The following RIMBP2 variants were observed in gnomAD, a reference collection of about 807,000 sequenced individuals.
RIMBP2 encodes the protein RIMS binding protein 2, also known as RIMS-binding protein 2.
A neutral mutation model predicts 118.6 loss-of-function variants in RIMBP2; 48 were observed. The observed-to-expected ratio is 0.40, with a 90% confidence interval of 0.32 to 0.51. The LOEUF is 0.51. Among genes scored for constraint, RIMBP2 ranks in the 20% least tolerant of loss-of-function variants. The pLI is 0.41. For missense variants in RIMBP2, 1,551 were observed against 1,768.3 expected, an observed-to-expected ratio of 0.88 and a Z score of 2.20; for synonymous variants, 762 against 742.9, an observed-to-expected ratio of 1.03 and a Z score of -0.42.
intron 2 of RIMBP2, among the ~76,000 whole-genome samples, chr12:130,535,700 T>C (rs71468437): frequency 6.9e-6 from 1 of 144,874 alleles, no homozygotes; most frequent in Non-Finnish European, 1.5e-5. Flanking sequence ...TATACATATA[T>C]ATACACATAT....
rs149263383 is a variant in RIMBP2, at chr12:130,510,109, G to A, written c.-126-3339C>T. ...CAAGAACAGACAACCTCCAACCTGCGGACAGGCTGCCGTTCCAGTGTGAAC... is the reference window on the plus strand; with the variant it reads ...CAAGAACAGACAACCTCCAACCTGCAGACAGGCTGCCGTTCCAGTGTGAAC... On this transcript the variant is annotated intron_variant, in intron 3 of 22. Transcript: ENST00000690449. 1.2e-3 allele frequency among the ~76,000 whole-genome samples: 176 copies of A among 152,306 alleles called. 1 individual carries two copies. The highest frequency in any genetic ancestry group is 3.8e-3 in the African/African-American group (159 of 41,568).
chr12:130,615,347 G>A (rs1349277023), intron 2 of RIMBP2, among the ~76,000 whole-genome samples: 5 of 145,344 alleles, frequency 3.4e-5, no homozygotes, highest in African/African-American at 1.0e-4. Context: ...GTCTCACTCT[G>A]TCGCCCAGGC....
intron 11 of RIMBP2, among the ~76,000 whole-genome samples, chr12:130,439,197 CATATATGT>C (rs2077806023): frequency 1.2e-5 from 1 of 82,356 alleles, no homozygotes; most frequent in Non-Finnish European, 3.2e-5. Context: ...GTAATGTGTG[CATATATGT>C]GTATATGTGG....
intron 2 of RIMBP2, among the ~76,000 whole-genome samples, chr12:130,528,496 G>A (rs2139277796): frequency 6.6e-6 from 1 of 152,294 alleles, no homozygotes; most frequent in Admixed American, 6.5e-5. Context: ...AATAGCTAAT[G>A]CATGCTGGGC....
At chr12:130,517,535 G>A (rs1302584455) in intron 3 of RIMBP2, among the ~76,000 whole-genome samples, 2 of 152,136 alleles carry the variant, frequency 1.3e-5, no homozygotes, top group Non-Finnish European at 1.5e-5. Flanking sequence ...ATTCACTGGG[G>A]AGAAAGTGGT....
intron 6 of RIMBP2, 183 bp downstream of exon 6, chr12:130,470,510 T>C: frequency 5.1e-6 from 2 of 395,694 alleles, no homozygotes; most frequent in Non-Finnish European, 8.9e-6. Context: ...AGAACGGACC[T>C]GGTCCTGGCA....
chr12:130,421,645 TCTC>T (rs1469897205), intron 17 of RIMBP2, among the ~76,000 whole-genome samples: 2 of 152,074 alleles, frequency 1.3e-5, no homozygotes, highest in Non-Finnish European at 1.5e-5. Context: ...CAAGACGGTT[TCTC>T]CTCATCTATT....
At chr12:130,677,204 GC>G (rs749327271) in intron 1 of RIMBP2, among the ~76,000 whole-genome samples, 5 of 152,216 alleles carry the variant, frequency 3.3e-5, no homozygotes, top group African/African-American at 7.2e-5. Flanking sequence ...GAGCATGGCA[GC>G]CCCCTACAAA....
rs1316627635 is a variant in RIMBP2, at chr12:130,649,267, G to A, written c.-351-20811C>T. ...GCTGGAATGTGGGGCTTGCTGCGAC[G>A]TACGTTTCTCTCCTCCTCAGCGGAG... is the stretch of plus-strand genomic sequence containing the variant. On this transcript the variant is annotated intron_variant, in intron 1 of 22. Coordinates refer to ENST00000690449, the MANE Select transcript of RIMBP2 (RefSeq NM_001393629.1). Among the ~76,000 whole-genome samples the A allele has an allele frequency of 1.8e-5, 2 of 110,154 alleles. 1 individual carries two copies. Among genetic ancestry groups the A allele is most frequent in the Non-Finnish European group, 4.7e-5 (2 of 42,804 alleles). The allele number at this position is 110,154 out of a possible 152,430, so 72.3% of individuals were successfully genotyped here.
rs1486500266 is a variant in RIMBP2, at chr12:130,447,286, GAGA to G, written c.582-2020_582-2018del. Among the ~76,000 whole-genome samples the G allele has an allele frequency of 2.0e-5, 3 of 152,018 alleles. No homozygotes were observed. The highest frequency in any genetic ancestry group is 2.1e-4 in the South Asian group (1 of 4,788). On this transcript the variant is annotated intron_variant, in intron 9 of 22. Transcript: ENST00000690449. The surrounding 1 kb of genome is among the most constrained non-coding windows in gnomAD (Gnocchi z 4.4). ...AAGGTCCCTGGCTGGTAAGGGCACG[GAGA>G]AGAAGTGGGAGATCCTACGGCTGTC...
At chr12:130,702,068 C>G (rs1435232763) in intron 1 of RIMBP2, among the ~76,000 whole-genome samples, 1 of 152,168 alleles carries the variant, frequency 6.6e-6, no homozygotes, top group Non-Finnish European at 1.5e-5. Flanking sequence ...ATGAGCCCAG[C>G]CCACAAGACA....
chr12:130,398,039 T>A (rs2074198044), intron 22 of RIMBP2: 1 of 152,044 alleles, frequency 6.6e-6, no homozygotes, highest in Non-Finnish European at 1.5e-5. Context: ...GCACACTGGT[T>A]GAAAGAAAAA....
At chr12:130,608,030 C>A (rs1318392979) in intron 2 of RIMBP2, among the ~76,000 whole-genome samples, 2 of 152,166 alleles carry the variant, frequency 1.3e-5, no homozygotes, top group Non-Finnish European at 2.9e-5. Flanking sequence ...AGTAAATATG[C>A]TCAAAACATT....
intron 2 of RIMBP2, among the ~76,000 whole-genome samples, chr12:130,530,581 T>C (rs570249244): frequency 9.3e-4 from 142 of 152,362 alleles, no homozygotes; most frequent in African/African-American, 3.3e-3. Flanking sequence ...ATTTATGCTC[T>C]GAGCTTGCCA....
intron 2 of RIMBP2, among the ~76,000 whole-genome samples, chr12:130,611,621 C>T (rs1158156829): frequency 1.3e-5 from 2 of 152,230 alleles, no homozygotes; most frequent in African/African-American, 4.8e-5. Context: ...GAGGCCTGCA[C>T]AGCCTCGATT....
At chr12:130,636,433 T>C (rs1221545939) in intron 1 of RIMBP2, among the ~76,000 whole-genome samples, 2 of 152,096 alleles carry the variant, frequency 1.3e-5, no homozygotes, top group Non-Finnish European at 2.9e-5. Flanking sequence ...CCCAGCTTTG[T>C]TTTTTTACCA....
chr12:130,599,974 T>C (rs898373344), intron 2 of RIMBP2, among the ~76,000 whole-genome samples: 2 of 152,108 alleles, frequency 1.3e-5, no homozygotes, highest in African/African-American at 4.8e-5. Context: ...TTGGAGAGGC[T>C]TATCAGAAAC....
At chr12:130,411,388 G>A (rs2075702759) in intron 19 of RIMBP2, among the ~76,000 whole-genome samples, 1 of 152,128 alleles carries the variant, frequency 6.6e-6, no homozygotes, top group African/African-American at 2.4e-5. Flanking sequence ...CCAGTATGAT[G>A]TGGAAAAGGA....
Position 130,409,673 on chromosome 12 carries a change from C to T in RIMBP2, c.3590-1844G>A, listed in dbSNP as rs568286106. On this transcript the variant is annotated intron_variant, in intron 19 of 22. Transcript: ENST00000690449. ...TGTAGCTTTTGAGACAGGCTTCTTT[C>T]ATCTGGATGACGCCTCTGAGATTCA... Among the ~76,000 whole-genome samples, 62 of 152,196 alleles carry T rather than the reference C, an allele frequency of 4.1e-4. 2 individuals are homozygous for T. The highest frequency in any genetic ancestry group is 1.4e-3 in the African/African-American group (58 of 41,556).
Sources: allele counts gnomAD v4.1 joint callset (sites outside exome capture counted in the v4.1 genomes callset), GRCh38; gene constraint gnomAD v4.1.1; non-coding constraint Gnocchi (gnomAD v3.1); transcripts MANE v1.5; gene names NCBI Gene and HGNC (gene_info 2026-07-23, HGNC 2026-07-21).